DAB1: variants seen among roughly 807,000 people sequenced by gnomAD.
The protein encoded by DAB1 is DAB adaptor protein 1, also known as disabled homolog 1.
In DAB1, 15 loss-of-function variants were observed where a neutral mutation model predicts 64.6. The observed-to-expected ratio is 0.23, with a 90% CI of 0.16 to 0.36. The LOEUF (loss-of-function observed/expected upper bound fraction) is 0.36, where lower values mean the gene tolerates loss of function less well. Ranked by LOEUF, DAB1 falls within the 10% of genes least tolerant of loss-of-function variation. The probability of loss-of-function intolerance (pLI) is 1.00; values close to 1 mark genes in which losing one functional copy is unlikely to be tolerated. For missense variants in DAB1, 596 were observed against 706.7 expected (o/e 0.84, Z 1.78); for synonymous variants, 235 against 251.9 (o/e 0.93, Z 0.64).
At chr1:57,519,919 A>C (rs1644506338) in intron 7 of DAB1, among the ~76,000 whole-genome samples, 1 of 152,246 alleles carries the variant, frequency 6.6e-6, no homozygotes, top group Non-Finnish European at 1.5e-5. Flanking sequence ...TGAAATGACT[A>C]TGAATAACTC....
intron 1 of DAB1, among the ~76,000 whole-genome samples, chr1:57,335,200 T>C (rs1676980524): frequency 8.3e-6 from 1 of 120,428 alleles, no homozygotes; most frequent in Non-Finnish European, 1.9e-5. Context: ...GATCTGGACA[T>C]TTTTTTTTTA....
rs367806764 is a variant in DAB1, at chr1:57,587,364, T to C, written n.625+62228A>G. 3.9e-5 allele frequency among the ~76,000 whole-genome samples: 6 copies of C among 152,298 alleles called. No homozygotes were observed. In the South Asian group the frequency reaches 8.3e-4, roughly 21 times the overall value. On this transcript the variant is annotated intron_variant and non_coding_transcript_variant, in intron 7 of 20. Coordinates refer to the DAB1 transcript ENST00000485760. The stretch of plus-strand genomic sequence containing the variant: ...AACACCTAGAGGGTTTTCAAAGCTC[T>C]TTCCCAACCATTAGGTAATTTATTC...
chr1:58,537,442 G>A (rs943792669), intron 1 of DAB1, among the ~76,000 whole-genome samples: 3 of 152,132 alleles, frequency 2.0e-5, no homozygotes, highest in Non-Finnish European at 2.9e-5. Context: ...TCTTTACAAC[G>A]TGAAAAAGGA....
intron 4 of DAB1, among the ~76,000 whole-genome samples, chr1:58,277,827 G>A (rs4912316): frequency 0.59 from 90,435 of 152,026 alleles, 29,642 homozygotes; most frequent in Middle Eastern, 0.73. Flanking sequence ...CCTGTGAGCC[G>A]CCAGAGCAGT....
intron 1 of DAB1, among the ~76,000 whole-genome samples, chr1:57,834,490 G>A (rs535041468): frequency 1.3e-5 from 2 of 152,158 alleles, no homozygotes; most frequent in Admixed American, 6.5e-5. Flanking sequence ...ACTAGGTTAT[G>A]TATACCAAAG....
chr1:57,918,043 G>A (rs896513770), intron 5 of DAB1, among the ~76,000 whole-genome samples: 1 of 150,980 alleles, frequency 6.6e-6, no homozygotes, highest in Non-Finnish European at 1.5e-5. Context: ...ACTCCAGCCG[G>A]GGTGACAGAG....
At chr1:58,093,133 T>C (rs992854056) in intron 5 of DAB1, among the ~76,000 whole-genome samples, 6 of 152,290 alleles carry the variant, frequency 3.9e-5, no homozygotes, top group East Asian at 1.9e-4. Context: ...TGATGAACTA[T>C]ACTCGTCACT....
intron 5 of DAB1, among the ~76,000 whole-genome samples, chr1:57,959,406 T>A (rs918569824): frequency 6.6e-6 from 1 of 152,202 alleles, no homozygotes; most frequent in African/African-American, 2.4e-5. Flanking sequence ...TAAAAAAGTA[T>A]TCTACAAAAA....
intron 1 of DAB1, among the ~76,000 whole-genome samples, chr1:57,330,062 C>A (rs1676525826): frequency 6.6e-6 from 1 of 152,054 alleles, no homozygotes; most frequent in Admixed American, 6.5e-5. Flanking sequence ...GTTAGCAGGG[C>A]AATAAGGATC....
intron 3 of DAB1, among the ~76,000 whole-genome samples, chr1:58,455,193 G>C (rs1454415473): frequency 6.6e-6 from 1 of 152,222 alleles, no homozygotes; most frequent in African/African-American, 2.4e-5. Context: ...AGGCAGCCAG[G>C]GGCTGATGCA....
At chr1:57,156,764 T>A (rs1296296812) in intron 2 of DAB1, among the ~76,000 whole-genome samples, 1 of 152,216 alleles carries the variant, frequency 6.6e-6, no homozygotes, top group African/African-American at 2.4e-5. Flanking sequence ...CTCAACCTCA[T>A]CACAACCTGA....
intron 5 of DAB1, among the ~76,000 whole-genome samples, chr1:58,085,456 C>A (rs1490569733): frequency 1.3e-5 from 2 of 152,126 alleles, no homozygotes; most frequent in Non-Finnish European, 2.9e-5. Context: ...CAGCCTCAAC[C>A]TCCTGGGCTC....
chr1:57,057,829 C>T (rs1004488048), intron 9 of DAB1, among the ~76,000 whole-genome samples: 48 of 151,980 alleles, frequency 3.2e-4, no homozygotes, highest in Middle Eastern at 6.8e-3. Context: ...AGGATGGTCT[C>T]GATCTCCTGA....
At chr1:57,439,074 C>T (rs995177269) in intron 7 of DAB1, among the ~76,000 whole-genome samples, 1 of 152,158 alleles carries the variant, frequency 6.6e-6, no homozygotes, top group African/African-American at 2.4e-5. Context: ...GAGAACTTAC[C>T]GTTGTCTAAC....
At chr1:57,141,285 C>T (rs1385102496) in intron 3 of DAB1, among the ~76,000 whole-genome samples, 1 of 152,184 alleles carries the variant, frequency 6.6e-6, no homozygotes, top group African/African-American at 2.4e-5. Flanking sequence ...ATCTCCTGAG[C>T]CTCCTTCTCC....
At chr1:58,005,232 C>T (rs1646563716) in intron 5 of DAB1, among the ~76,000 whole-genome samples, 1 of 152,028 alleles carries the variant, frequency 6.6e-6, no homozygotes, top group Non-Finnish European at 1.5e-5. Flanking sequence ...TCTCTCATGC[C>T]CATGTGCTTT....
chr1:58,315,660 G>A (rs1448841216), intron 4 of DAB1, among the ~76,000 whole-genome samples: 2 of 152,178 alleles, frequency 1.3e-5, no homozygotes, highest in African/African-American at 4.8e-5. Flanking sequence ...AACTCAGGCT[G>A]TCTGTGATGT....
rs536747917 is a variant in DAB1 at position 57,919,483 on chromosome 1, G to A, written n.388-35321C>T. Among the ~76,000 whole-genome samples, 351 of 152,306 alleles carry A rather than the reference G, an allele frequency of 2.3e-3. 1 individual carries two copies. The highest frequency in any genetic ancestry group is 8.2e-3 in the African/African-American group (340 of 41,572). On this transcript the variant is annotated intron_variant and non_coding_transcript_variant, in intron 5 of 20. Coordinates refer to the DAB1 transcript ENST00000485760. ...ACACCCTGGGGTCAGAGGCAGTCAG[G>A]GATGACTTTCCAGAGTCCAGAAGTA...
chr1:57,687,671 TA>T (rs1451679777), intron 6 of DAB1, among the ~76,000 whole-genome samples: 2 of 134,184 alleles, frequency 1.5e-5, no homozygotes, highest in Non-Finnish European at 3.2e-5. Flanking sequence ...CAAACTATAC[TA>T]AAAGGCTACA....
Sources: gnomAD v4.1 joint callset for allele counts (sites outside exome capture counted in the v4.1 genomes callset) on GRCh38, gnomAD v4.1.1 for gene constraint, MANE v1.5 for transcripts, NCBI Gene and HGNC (gene_info 2026-07-23, HGNC 2026-07-21) for gene names.